Variants in ABRA observed in about 807,000 individuals in gnomAD.
The protein encoded by ABRA is actin-binding Rho-activating protein.
ABRA carries 25 observed loss-of-function variants against 33.4 expected under a neutral mutation model. The observed-to-expected ratio is 0.75, with a 90% CI of 0.55 to 1.04. The LOEUF (loss-of-function observed/expected upper bound fraction) is 1.04. ABRA is among the 50% of genes least tolerant of loss of function. The pLI is 0.00. For missense variants in ABRA, 501 were observed against 491.7 expected, an observed-to-expected ratio of 1.02 and a Z score of -0.18; for synonymous variants, 193 against 176.8, an observed-to-expected ratio of 1.09 and a Z score of -0.73.
In ABRA at chr8:106,760,088, C is replaced by T. The variant is rs1836114627; in HGVS notation, c.*949G>A. 1 of 152,102 alleles carries T rather than the reference C, an allele frequency of 6.6e-6. No homozygotes were observed. Among genetic ancestry groups the T allele is most frequent in the Non-Finnish European group, 1.5e-5 (1 of 68,018 alleles). The allele number at this position is 152,102 out of a possible 1,614,324, so 9.4% of individuals were successfully genotyped here. A position where few individuals can be genotyped will look rare whatever the true frequency, so the allele number is the denominator to read the frequency against. The stretch of plus-strand genomic sequence containing the variant: ...CACTTCATAGATTTTCTGTATTTCT[C>T]CATTGTTGGAGAAATACATATCATT... On this transcript the variant is annotated 3_prime_UTR_variant, in exon 2 of 2. Coordinates refer to ENST00000311955, the MANE Select transcript of ABRA (RefSeq NM_139166.5).
At position 106,769,844 on chromosome 8, in the gene ABRA, T is replaced by C; in HGVS notation, c.347A>G (p.Lys116Arg). ...KKEVSKTVVS[K>R]TYERGGDVSH... ...CACGTCCCCTCCTCTCTCATAAGTCTTGCTGACCACCGTTTTGGACACCTC... is the reference window on the plus strand; with the variant it reads ...CACGTCCCCTCCTCTCTCATAAGTCCTGCTGACCACCGTTTTGGACACCTC... The change falls in exon 1 of 2, where the codon AAG becomes AGG. Residue 116 changes from lysine to arginine, a missense_variant. By Grantham distance (26) the Lys-to-Arg change is conservative (BLOSUM62 2). Transcript: ENST00000311955. 6.2e-7 allele frequency: 1 copy of C among 1,614,110 alleles called. No individual in the cohort carries two copies. The highest frequency in any genetic ancestry group is 8.5e-7 in the Non-Finnish European group (1 of 1,180,018).
In ABRA at chr8:106,761,163, G is replaced by C. The variant is rs141640961; in HGVS notation, c.1020C>G (p.Tyr340Ter). Residue 340 changes from tyrosine to a stop codon, truncating the protein, a stop_gained, in exon 2 of 2, where the codon TAC becomes TAG. Coordinates refer to ENST00000311955, the MANE Select transcript of ABRA (RefSeq NM_139166.5). LOFTEE classifies it high-confidence loss of function. ...CCACTACTTTATCTGAAATACGAAC[G>C]TATCTGTCAAAGAGATCTCCAAAAG... ...QVTFGDLFDR[Y>*]VRISDKVVGI... The C allele has an allele frequency of 6.2e-7, 1 of 1,614,042 alleles. No homozygotes were observed. The highest frequency in any genetic ancestry group is 8.5e-7 in the Non-Finnish European group (1 of 1,180,038).
chr8:106,769,059 G>C (rs1474872977), intron 1 of ABRA, among the ~76,000 whole-genome samples: 1 of 152,214 alleles, frequency 6.6e-6, no homozygotes, highest in African/African-American at 2.4e-5. Flanking sequence ...TAGAGTCAGA[G>C]ATTTGTATTC....
Position 106,759,550 on chromosome 8 carries a change from A to G in ABRA, c.*1487T>C, listed in dbSNP as rs1836106452. On this transcript the variant is annotated 3_prime_UTR_variant, in exon 2 of 2. Coordinates refer to ENST00000311955, the MANE Select transcript of ABRA (RefSeq NM_139166.5). ...ATTTGGCGTAGGTTTCACTTGTAAT[A>G]GAAGTGTGCATCTTACATGAAATCC... is the stretch of plus-strand genomic sequence containing the variant. The G allele has an allele frequency of 6.6e-6, 1 of 152,230 alleles. No individual in the cohort carries two copies. The highest frequency in any genetic ancestry group is 1.5e-5 in the Non-Finnish European group (1 of 68,036). The allele number at this position is 152,230 out of a possible 1,614,324, so 9.4% of individuals were successfully genotyped here. A position where few individuals can be genotyped will look rare whatever the true frequency, so the allele number is the denominator to read the frequency against.
chr8:106,764,391 C>T (rs966136016), intron 1 of ABRA, among the ~76,000 whole-genome samples: 3 of 152,168 alleles, frequency 2.0e-5, no homozygotes, highest in Non-Finnish European at 2.9e-5. Context: ...CAGTGGCTCA[C>T]GCCTGTAATC....
Position 106,769,644 on chromosome 8 carries a change from T to C in ABRA, c.547A>G (p.Thr183Ala), listed in dbSNP as rs113794783. The C allele has an allele frequency of 1.2e-5, 20 of 1,614,180 alleles. 1 individual carries two copies. The African/African-American group carries it at 1.7e-4, about 14-fold the overall frequency. Residue 183 changes from threonine (T) to alanine (A), a missense_variant, in exon 1 of 2, where the codon ACA becomes GCA. Transcript: ENST00000311955. ...GWRVMEQEEPTWRSDSVDTED... is the reference protein window; with the variant it reads ...GWRVMEQEEPAWRSDSVDTED... ...GTGTCTACGCTGTCACTCCTCCATGTGGGCTCCTCCTGCTCCATCACTCTC... is the reference window on the plus strand; with the variant it reads ...GTGTCTACGCTGTCACTCCTCCATGCGGGCTCCTCCTGCTCCATCACTCTC...
Position 106,770,053 on chromosome 8 carries a change from C to T in ABRA, c.138G>A (p.Gln46=). The T allele has an allele frequency of 6.2e-7, 1 of 1,614,116 alleles. No individual in the cohort carries two copies. The highest frequency in any genetic ancestry group is 8.5e-7 in the Non-Finnish European group (1 of 1,180,012). ...WANENSIRQA[Q]EPTGWLPGGT... ...CTCCCGGCAGCCAGCCTGTAGGCTC[C>T]TGGGCCTGCCTGATGCTGTTCTCAT... is the stretch of plus-strand genomic sequence containing the variant. The change falls in exon 1 of 2, where the codon CAG becomes CAA. Residue 46 remains glutamine, a synonymous_variant. Transcript: ENST00000311955.
intron 1 of ABRA, among the ~76,000 whole-genome samples, chr8:106,764,195 G>T (rs1185522217): frequency 6.6e-6 from 1 of 152,196 alleles, no homozygotes; most frequent in East Asian, 1.9e-4. Flanking sequence ...ACTCAAATTT[G>T]CATCCAGAGG....
chr8:106,760,610 A>G lies in ABRA; in HGVS notation c.*427T>C, dbSNP rs945229667. ...TAATTAAAAATCTATAGTAGTTTCT[A>G]CAATGACTAGCTAAATATTTTGCCT... On this transcript the variant is annotated 3_prime_UTR_variant, in exon 2 of 2. Transcript: ENST00000311955. 8 of 158,798 alleles carry G rather than the reference A, an allele frequency of 5.0e-5. No individual in the cohort carries two copies. The highest frequency in any genetic ancestry group is 1.9e-4 in the African/African-American group (8 of 41,576). 9.8% of individuals were successfully genotyped at this position (158,798 alleles called of 1,614,324 possible).
chr8:106,769,564 CA>C lies in ABRA; in HGVS notation c.626del (p.Val209GlyfsTer16), dbSNP rs763772265. ...GCTTGATCCTGACCACAGCCACCTG[CA>C]CTCCATCCTGCTCGGGCCTCTCCTC... ...EAEERPEQDG[V>X]QVAVVRIKRP... On this transcript the variant is annotated frameshift_variant, in exon 1 of 2. Coordinates refer to ENST00000311955, the MANE Select transcript of ABRA (RefSeq NM_139166.5). LOFTEE classifies it high-confidence loss of function. 1 of 1,614,170 alleles carries C rather than the reference CA, an allele frequency of 6.2e-7. No homozygotes were observed. Among genetic ancestry groups the C allele is most frequent in the Non-Finnish European group, 8.5e-7 (1 of 1,180,022 alleles).
At position 106,761,126 on chromosome 8, in the gene ABRA, G is replaced by A. The variant is rs747204189; in HGVS notation, c.1057C>T (p.Arg353Cys). 16 of 1,614,010 alleles carry A rather than the reference G, an allele frequency of 9.9e-6. No homozygotes were observed. The highest frequency in any genetic ancestry group is 4.4e-5 in the South Asian group (4 of 91,086). ...ISDKVVGILM[R>C]ARKHGLVDFE... The stretch of plus-strand genomic sequence containing the variant: ...TCTACCAGTCCATGTTTCCTGGCAC[G>A]CATGAGAATGCCCACTACTTTATCT... Residue 353 changes from arginine to cysteine, a missense_variant, in exon 2 of 2, where the codon CGT becomes TGT. Coordinates refer to ENST00000311955, the MANE Select transcript of ABRA (RefSeq NM_139166.5).
chr8:106,769,786 A>G lies in ABRA; in HGVS notation c.405T>C (p.Ala135=). 3 of 1,614,158 alleles carry G rather than the reference A, an allele frequency of 1.9e-6. No homozygotes were observed. The South Asian group carries it at 3.3e-5, about 18-fold the overall frequency. ...CTGGCTGCCCAGGTTCAAGCACACC[A>G]GCATCCCTCTCGTACCTGTGGCTGA... ...SHLSHRYERD[A]GVLEPGQPEN... Residue 135 remains alanine, a synonymous_variant, in exon 1 of 2, where the codon GCT becomes GCC. Transcript: ENST00000311955.
rs771644211 is a variant in ABRA at position 106,770,032 on chromosome 8, C to T, written c.159G>A (p.Pro53=). The part of the protein sequence containing the change: ...RQAQEPTGWL[P]GGTQDSPQAP... ...CTTGAGGTGAGTCCTGGGTCCCTCC[C>T]GGCAGCCAGCCTGTAGGCTCCTGGG... Residue 53 remains proline (P), a synonymous_variant, in exon 1 of 2, where the codon CCG becomes CCA. Coordinates refer to ENST00000311955, the MANE Select transcript of ABRA (RefSeq NM_139166.5). The T allele has an allele frequency of 8.1e-6, 13 of 1,613,856 alleles. No homozygotes were observed. The highest frequency in any genetic ancestry group is 2.2e-5 in the East Asian group (1 of 44,850).
At chr8:106,769,379 T>A (rs1810559582) in intron 1 of ABRA, 144 bp downstream of exon 1, 1 of 1,157,672 alleles carries the variant, frequency 8.6e-7, no homozygotes, top group Non-Finnish European at 1.2e-6. Flanking sequence ...GGGACATCCC[T>A]CCTCTACAGT....
At chr8:106,764,159 A>G (rs1022091394) in intron 1 of ABRA, among the ~76,000 whole-genome samples, 6 of 152,200 alleles carry the variant, frequency 3.9e-5, no homozygotes, top group African/African-American at 1.4e-4. Context: ...TGATTTTGTA[A>G]CAAAGAAAGC....
chr8:106,770,099 C>T lies in ABRA; in HGVS notation c.92G>A (p.Arg31Gln), dbSNP rs148182297. The change falls in exon 1 of 2, where the codon CGA (arginine) becomes CAA (glutamine). Residue 31 changes from arginine (R) to glutamine (Q), a missense_variant. By Grantham distance (43) the Arg-to-Gln change is conservative. Coordinates refer to ENST00000311955, the MANE Select transcript of ABRA (RefSeq NM_139166.5). ...RTATLVISLA[R>Q]GWQQWANENS... is the part of the protein sequence containing the mutation. ...CTCATTCGCCCACTGCTGCCAACCT[C>T]GGGCCAAGCTGATGACCAGGGTGGC... 6.2e-6 allele frequency: 10 copies of T among 1,613,766 alleles called. No individual in the cohort carries two copies. Among genetic ancestry groups the T allele is most frequent in the South Asian group, 3.3e-5 (3 of 91,084 alleles).
chr8:106,770,050 C>G lies in ABRA; in HGVS notation c.141G>C (p.Glu47Asp). 6.2e-7 allele frequency: 1 copy of G among 1,614,062 alleles called. No individual in the cohort carries two copies. Among genetic ancestry groups the G allele is most frequent in the Non-Finnish European group, 8.5e-7 (1 of 1,180,010 alleles). ...TCCCTCCCGGCAGCCAGCCTGTAGG[C>G]TCCTGGGCCTGCCTGATGCTGTTCT... ...ANENSIRQAQ[E>D]PTGWLPGGTQ... The change falls in exon 1 of 2, where the codon GAG (glutamate) becomes GAC (aspartate). Residue 47 changes from glutamate to aspartate, a missense_variant. Coordinates refer to ENST00000311955, the MANE Select transcript of ABRA (RefSeq NM_139166.5).
intron 1 of ABRA, among the ~76,000 whole-genome samples, chr8:106,768,227 T>C (rs1469157235): frequency 6.6e-6 from 1 of 152,144 alleles, no homozygotes; most frequent in Non-Finnish European, 1.5e-5. Flanking sequence ...AGTCTATAAA[T>C]GTAATGACAT....
chr8:106,767,237 A>G (rs151169994), intron 1 of ABRA, among the ~76,000 whole-genome samples: 3 of 152,356 alleles, frequency 2.0e-5, no homozygotes, highest in East Asian at 3.9e-4. Context: ...GTCTAGCTCT[A>G]CTATGCATTC....
Sources: allele counts gnomAD v4.1 joint callset (sites outside exome capture counted in the v4.1 genomes callset), GRCh38; gene constraint gnomAD v4.1.1; transcripts MANE v1.5; gene names NCBI Gene and HGNC (gene_info 2026-07-23, HGNC 2026-07-21).